Variants in PSMD1 observed in about 807,000 individuals in gnomAD.
The protein encoded by PSMD1 is 26S proteasome non-ATPase regulatory subunit 1.
In PSMD1, 18 loss-of-function variants were observed where a neutral mutation model predicts 119.0. The ratio of observed to expected loss-of-function variants is 0.15; its 90% CI spans 0.10 to 0.22. The LOEUF (loss-of-function observed/expected upper bound fraction) is 0.22, where lower values mean the gene tolerates loss of function less well. Among genes scored for constraint, PSMD1 ranks in the 10% least tolerant of loss-of-function variants. The pLI is 1.00. For missense variants in PSMD1, 702 were observed against 1,158.5 expected (o/e 0.61, Z 5.72); for synonymous variants, 374 against 396.6 (o/e 0.94, Z 0.68).
At chr2:231,166,789 T>G (rs1341139365) in intron 23 of PSMD1, among the ~76,000 whole-genome samples, 1 of 152,182 alleles carries the variant, frequency 6.6e-6, no homozygotes, top group East Asian at 1.9e-4. Flanking sequence ...AGTAAACTTA[T>G]TCTTATCAAC....
chr2:231,089,942 A>G (rs980895773), intron 16 of PSMD1, among the ~76,000 whole-genome samples: 2 of 152,220 alleles, frequency 1.3e-5, no homozygotes, highest in African/African-American at 4.8e-5. Flanking sequence ...ACCCAGGATC[A>G]ATACTTTTCA....
Position 231,067,106 on chromosome 2 carries a change from G to A in PSMD1, c.505G>A (p.Glu169Lys), listed in dbSNP as rs1693926997. ...GGACGTCTTTGAAAAGACCATACTG[G>A]AGTCGGTAGGTAGATGATGTTATTT... The part of the protein sequence containing the change: ...RLDVFEKTIL[E>K]SNDVPGMLAY... Residue 169 changes from glutamate (E) to lysine (K), a missense_variant, in exon 5 of 25, where the codon GAG becomes AAG. Transcript: ENST00000308696. 1 of 1,586,780 alleles carries A rather than the reference G, an allele frequency of 6.3e-7. No homozygotes were observed. The highest frequency in any genetic ancestry group is 8.5e-7 in the Non-Finnish European group (1 of 1,170,446).
intron 16 of PSMD1, among the ~76,000 whole-genome samples, chr2:231,114,725 A>G (rs994870199): frequency 6.6e-6 from 1 of 152,208 alleles, no homozygotes; most frequent in African/African-American, 2.4e-5. Context: ...ATTAACCTTA[A>G]AAAAATTTTA....
intron 16 of PSMD1, among the ~76,000 whole-genome samples, chr2:231,121,339 G>A (rs1487123551): frequency 6.6e-6 from 1 of 151,854 alleles, no homozygotes; most frequent in Non-Finnish European, 1.5e-5. Context: ...GCCAGCCCAG[G>A]CAACATTGCC....
At chr2:231,106,083 A>T (rs1045087489) in intron 16 of PSMD1, among the ~76,000 whole-genome samples, 3 of 150,540 alleles carry the variant, frequency 2.0e-5, no homozygotes, top group African/African-American at 7.4e-5. Flanking sequence ...CTAAGATAAG[A>T]CTATTAACTG....
At chr2:231,142,113 C>T (rs1295971596) in intron 17 of PSMD1, among the ~76,000 whole-genome samples, 2 of 152,052 alleles carry the variant, frequency 1.3e-5, no homozygotes, top group Non-Finnish European at 2.9e-5. Context: ...GAACTCCTGA[C>T]CTCAGGTTGT....
intron 16 of PSMD1, among the ~76,000 whole-genome samples, chr2:231,110,027 C>G (rs1695101082): frequency 6.6e-6 from 1 of 152,154 alleles, no homozygotes; most frequent in East Asian, 1.9e-4. Context: ...CTTTCTTCTT[C>G]TGTAGAAGCC....
intron 16 of PSMD1, among the ~76,000 whole-genome samples, chr2:231,118,843 A>T (rs897561826): frequency 3.5e-4 from 54 of 152,328 alleles, no homozygotes; most frequent in African/African-American, 1.3e-3. Flanking sequence ...CTGTTCCTAT[A>T]GTTTACAGAG....
chr2:231,094,333 A>G (rs753954485), intron 16 of PSMD1, among the ~76,000 whole-genome samples: 2 of 152,146 alleles, frequency 1.3e-5, no homozygotes, highest in Non-Finnish European at 1.5e-5. Context: ...CATAACTTGC[A>G]TATCTGCTTG....
intron 16 of PSMD1, among the ~76,000 whole-genome samples, chr2:231,101,467 A>T (rs1694865226): frequency 6.6e-6 from 1 of 152,238 alleles, no homozygotes; most frequent in South Asian, 2.1e-4. Context: ...ATGAAAAGAA[A>T]CATAGTTGAA....
At chr2:231,126,122 G>A (rs1695713144) in intron 16 of PSMD1, among the ~76,000 whole-genome samples, 1 of 152,098 alleles carries the variant, frequency 6.6e-6, no homozygotes, top group Non-Finnish European at 1.5e-5. Context: ...ATATTTTAAG[G>A]CAAGGTGCGG....
At position 231,066,326 on chromosome 2, in the gene PSMD1, ACT is replaced by A. The variant is rs145428773; in HGVS notation, c.305-576_305-575del. On this transcript the variant is annotated intron_variant, in intron 4 of 24. Coordinates refer to ENST00000308696, the MANE Select transcript of PSMD1 (RefSeq NM_002807.4). ...CAGAGACAATTTAGACATAGTTCTTACTCTCAGGTTGCTAATAGTTTCATTAA... is the reference window on the plus strand; with the variant it reads ...CAGAGACAATTTAGACATAGTTCTTACTCAGGTTGCTAATAGTTTCATTAA... Among the ~76,000 whole-genome samples the A allele has an allele frequency of 7.6e-3, 1,161 of 152,282 alleles. 18 individuals are homozygous for A. Among genetic ancestry groups the A allele is most frequent in the Non-Finnish European group, 9.4e-3 (640 of 68,024 alleles).
intron 6 of PSMD1, 44 bp from the exon 7 acceptor site, chr2:231,072,145 G>A (rs1337793584): frequency 6.6e-7 from 1 of 1,503,950 alleles, no homozygotes. Context: ...CCTTGTAGAT[G>A]AAGTTTTTAA....
intron 16 of PSMD1, among the ~76,000 whole-genome samples, chr2:231,135,789 ACTGT>A (rs755547444): frequency 9.2e-5 from 14 of 152,248 alleles, no homozygotes; most frequent in Admixed American, 3.9e-4. Flanking sequence ...TTTTTCCCAT[ACTGT>A]TTCTAATAAT....
At chr2:231,083,796 A>G in intron 14 of PSMD1, 33 bp downstream of exon 14, 1 of 1,602,428 alleles carries the variant, frequency 6.2e-7, no homozygotes, top group Non-Finnish European at 8.5e-7. Context: ...CTGTCCATTT[A>G]TCTCCAGCAT....
chr2:231,110,363 TGTTA>T (rs1247604842), intron 16 of PSMD1, among the ~76,000 whole-genome samples: 4 of 152,292 alleles, frequency 2.6e-5, no homozygotes, highest in African/African-American at 9.6e-5. Context: ...ATATACCTCA[TGTTA>T]GTTTTCTGAT....
intron 16 of PSMD1, among the ~76,000 whole-genome samples, 158 bp downstream of exon 16, chr2:231,087,339 A>C (rs1694477433): frequency 6.6e-6 from 1 of 152,242 alleles, no homozygotes; most frequent in Non-Finnish European, 1.5e-5. Context: ...TAGCGAGATT[A>C]GTACTGTTCA....
At chr2:231,091,814 T>A (rs1694603256) in intron 16 of PSMD1, among the ~76,000 whole-genome samples, 1 of 152,130 alleles carries the variant, frequency 6.6e-6, no homozygotes, top group Non-Finnish European at 1.5e-5. Flanking sequence ...GGGTGTTGTT[T>A]CACCTCATCC....
chr2:231,066,410 T>C (rs1693911692), intron 4 of PSMD1, among the ~76,000 whole-genome samples: 1 of 152,342 alleles, frequency 6.6e-6, no homozygotes, highest in East Asian at 1.9e-4. Context: ...CCTTTTAAAA[T>C]ATCTTCAGTA....
Sources: gnomAD v4.1 joint callset for allele counts (sites outside exome capture counted in the v4.1 genomes callset) on GRCh38, gnomAD v4.1.1 for gene constraint, MANE v1.5 for transcripts, NCBI Gene and HGNC (gene_info 2026-07-23, HGNC 2026-07-21) for gene names.